The following DGKB variants were observed in gnomAD, a reference collection of about 807,000 sequenced individuals.
DGKB encodes the protein diacylglycerol kinase beta, also known as 90 kDa diacylglycerol kinase.
In DGKB, 67 loss-of-function variants were observed where a neutral mutation model predicts 114.3. The ratio of observed to expected loss-of-function variants is 0.59; its 90% CI spans 0.48 to 0.72. The LOEUF (loss-of-function observed/expected upper bound fraction) is 0.72. Among genes scored for constraint, DGKB ranks in the 30% least tolerant of loss-of-function variants. The probability of loss-of-function intolerance (pLI) is 0.00; values close to 1 mark genes in which losing one functional copy is unlikely to be tolerated. For synonymous variants in DGKB, 398 were observed against 323.1 expected (o/e 1.23, Z -2.49); for missense variants, 907 against 975.2 (o/e 0.93, Z 0.93).
chr7:14,632,453 C>T (rs909002284), intron 13 of DGKB, among the ~76,000 whole-genome samples: 1 of 151,336 alleles, frequency 6.6e-6, no homozygotes, highest in African/African-American at 2.4e-5. Context: ...GAAATTATGG[C>T]AACACAATAG....
intron 2 of DGKB, among the ~76,000 whole-genome samples, chr7:14,828,121 G>A (rs1227168195): frequency 1.3e-5 from 2 of 152,094 alleles, no homozygotes; most frequent in African/African-American, 4.8e-5. Context: ...GACAAGAGCA[G>A]ATAAAATAAA....
At chr7:14,718,483 A>G in intron 6 of DGKB, 59 bp downstream of exon 6, 2 of 1,487,442 alleles carry the variant, frequency 1.3e-6, no homozygotes, top group Non-Finnish European at 1.8e-6. Context: ...GTTAATCAAT[A>G]TCCAGTCCTT....
intron 1 of DGKB, among the ~76,000 whole-genome samples, chr7:14,910,138 G>A (rs180703086): frequency 3.3e-5 from 5 of 151,990 alleles, no homozygotes; most frequent in Non-Finnish European, 5.9e-5. Context: ...CTACTTGGGA[G>A]GCTGAGGCAG....
intron 20 of DGKB, among the ~76,000 whole-genome samples, chr7:14,535,423 G>C (rs34441388): frequency 0.36 from 52,228 of 146,872 alleles, 9,574 homozygotes; most frequent in Admixed American, 0.45. Flanking sequence ...TTAAAAAGAA[G>C]AAGTATCTCA....
chr7:14,774,955 T>C (rs1837938000), intron 2 of DGKB, among the ~76,000 whole-genome samples: 1 of 152,134 alleles, frequency 6.6e-6, no homozygotes, highest in Admixed American at 6.5e-5. Flanking sequence ...TTGCATTTTT[T>C]ATGATTGTGT....
intron 2 of DGKB, among the ~76,000 whole-genome samples, chr7:14,778,744 A>G (rs1446589670): frequency 6.6e-6 from 1 of 152,248 alleles, no homozygotes; most frequent in Non-Finnish European, 1.5e-5. Context: ...ACCCTTATAG[A>G]TAACCAAGCA....
intron 1 of DGKB, among the ~76,000 whole-genome samples, chr7:14,919,095 A>AACACAC (rs3036019): frequency 0.011 from 1,313 of 114,946 alleles, 33 homozygotes; most frequent in African/African-American, 0.039. Context: ...CACACACACA[A>AACACAC]ACACACACAC....
intron 23 of DGKB, among the ~76,000 whole-genome samples, chr7:14,335,217 T>C (rs984537661): frequency 6.6e-6 from 1 of 152,202 alleles, no homozygotes; most frequent in African/African-American, 2.4e-5. Flanking sequence ...AAATAAGGAC[T>C]TAATGCTCCA....
chr7:14,877,805 A>G (rs761536135), intron 1 of DGKB, among the ~76,000 whole-genome samples: 2 of 152,218 alleles, frequency 1.3e-5, no homozygotes, highest in Non-Finnish European at 2.9e-5. Flanking sequence ...AAGTTCCACA[A>G]ACAATAATTC....
chr7:14,942,782 C>G (rs1219974971), intron 1 of DGKB, among the ~76,000 whole-genome samples: 1 of 151,954 alleles, frequency 6.6e-6, no homozygotes, highest in Admixed American at 6.6e-5. Flanking sequence ...AATAAAAATT[C>G]AATATTTTTT....
chr7:14,909,810 A>G (rs1486152004), intron 1 of DGKB, among the ~76,000 whole-genome samples: 2 of 152,174 alleles, frequency 1.3e-5, no homozygotes, highest in African/African-American at 2.4e-5. Flanking sequence ...CATAATGTGT[A>G]CTTTTACATC....
At chr7:14,189,349 A>G (rs1017651655) in intron 23 of DGKB, among the ~76,000 whole-genome samples, 2 of 152,168 alleles carry the variant, frequency 1.3e-5, no homozygotes, top group African/African-American at 4.8e-5. Context: ...AAAATAGTCA[A>G]TTCTAACTAC....
At chr7:14,344,773 G>T (rs1812197349) in intron 22 of DGKB, among the ~76,000 whole-genome samples, 1 of 148,782 alleles carries the variant, frequency 6.7e-6, no homozygotes. Flanking sequence ...TGCTATCTTT[G>T]CTCTCTTTCT....
rs138227532 is a variant in DGKB at position 14,832,711 on chromosome 7, T to C, written c.70+8483A>G. Reference sequence around the variant, plus strand: ...AATTTCTCAGTTGTTTTCATGGAGATCTCATCTTCCAACTGTCTTATAAAT... The same window carrying C: ...AATTTCTCAGTTGTTTTCATGGAGACCTCATCTTCCAACTGTCTTATAAAT... On this transcript the variant is annotated intron_variant, in intron 2 of 25. Transcript: ENST00000402815. 3.3e-3 allele frequency among the ~76,000 whole-genome samples: 507 copies of C among 152,166 alleles called. 1 individual carries two copies. The highest frequency in any genetic ancestry group is 0.011 in the African/African-American group (453 of 41,534).
At chr7:14,460,373 A>C (rs1170559334) in intron 21 of DGKB, among the ~76,000 whole-genome samples, 1 of 152,100 alleles carries the variant, frequency 6.6e-6, no homozygotes, top group Admixed American at 6.5e-5. Context: ...GCAAAGACAC[A>C]CATAGGCTCA....
intron 4 of DGKB, among the ~76,000 whole-genome samples, chr7:14,738,802 G>A (rs1346881685): frequency 1.3e-5 from 2 of 152,298 alleles, no homozygotes; most frequent in African/African-American, 2.4e-5. Context: ...TAAAGGACTA[G>A]AAATTGGTGA....
intron 1 of DGKB, among the ~76,000 whole-genome samples, chr7:14,854,819 A>C (rs2128167158): frequency 6.6e-6 from 1 of 152,308 alleles, no homozygotes; most frequent in East Asian, 1.9e-4. Context: ...CCACAGAATT[A>C]CAAAATAACT....
chr7:14,484,220 C>G (rs556620358), intron 20 of DGKB, among the ~76,000 whole-genome samples: 1 of 152,192 alleles, frequency 6.6e-6, no homozygotes, highest in East Asian at 1.9e-4. Flanking sequence ...ATATATATGT[C>G]AACTCCACAA....
At chr7:14,869,491 A>C (rs1293907501) in intron 1 of DGKB, among the ~76,000 whole-genome samples, 1 of 152,204 alleles carries the variant, frequency 6.6e-6, no homozygotes, top group African/African-American at 2.4e-5. Flanking sequence ...AAAAGTGTTT[A>C]AACTCATGTG....
Sources: allele counts gnomAD v4.1 joint callset (sites outside exome capture counted in the v4.1 genomes callset), GRCh38; gene constraint gnomAD v4.1.1; transcripts MANE v1.5; gene names NCBI Gene and HGNC (gene_info 2026-07-23, HGNC 2026-07-21).